Variants in DAB1 observed in about 807,000 individuals in gnomAD.
The protein encoded by DAB1 is disabled homolog 1.
In DAB1, 15 loss-of-function variants were observed where a neutral mutation model predicts 64.6. That is an observed-to-expected ratio of 0.23 (90% CI 0.16 to 0.36). DAB1 has a LOEUF of 0.36. DAB1 is among the 10% of genes least tolerant of loss of function. The pLI is 1.00. For synonymous variants in DAB1, 235 were observed against 251.9 expected, an observed-to-expected ratio of 0.93 and a Z score of 0.64; for missense variants, 596 against 706.7, an observed-to-expected ratio of 0.84 and a Z score of 1.78.
chr1:57,707,050 G>A (rs1646975549), intron 6 of DAB1, among the ~76,000 whole-genome samples: 1 of 151,942 alleles, frequency 6.6e-6, no homozygotes, highest in African/African-American at 2.4e-5. Flanking sequence ...CTCTAGCCTG[G>A]GCAACAAGAG....
chr1:58,189,862 A>G (rs1016803210), intron 4 of DAB1, among the ~76,000 whole-genome samples: 1 of 152,222 alleles, frequency 6.6e-6, no homozygotes, highest in Non-Finnish European at 1.5e-5. Context: ...CAGGGGTCCC[A>G]TGGGCTACTG....
chr1:57,070,964 G>T (rs756514622), intron 7 of DAB1, 59 bp downstream of exon 7: 1 of 1,418,808 alleles, frequency 7.0e-7, no homozygotes. Context: ...TGACAAAATG[G>T]CTCTGGCACA....
chr1:57,221,274 C>A (rs1440269158), intron 2 of DAB1, among the ~76,000 whole-genome samples: 1 of 151,998 alleles, frequency 6.6e-6, no homozygotes, highest in African/African-American at 2.4e-5. Context: ...GGAGGGATAG[C>A]ATTAGGAGAT....
chr1:57,880,836 T>A lies in DAB1; in HGVS notation n.87+3163A>T, dbSNP rs1488343921. The A allele has an allele frequency of 2.0e-5, 3 of 152,220 alleles. No individual in the cohort carries two copies. In the East Asian group the frequency reaches 5.8e-4, roughly 29 times the overall value. 9.4% of individuals were successfully genotyped at this position (152,220 alleles called of 1,614,324 possible). On this transcript the variant is annotated intron_variant and non_coding_transcript_variant, in intron 1 of 1. Coordinates refer to the DAB1 transcript ENST00000477280. ...CAATGTATTAAATTGAAATCCAGTA[T>A]CAAAACACCCATTAAAGTGCTCTTT...
intron 7 of DAB1, among the ~76,000 whole-genome samples, chr1:57,449,916 T>G (rs545736752): frequency 1.3e-5 from 2 of 152,216 alleles, no homozygotes; most frequent in African/African-American, 4.8e-5. Flanking sequence ...ATTAACTATA[T>G]AGCAGGCTCT....
intron 9 of DAB1, among the ~76,000 whole-genome samples, chr1:57,026,929 G>A (rs1306840110): frequency 6.6e-6 from 1 of 152,224 alleles, no homozygotes; most frequent in Non-Finnish European, 1.5e-5. Context: ...TGACAAGTAT[G>A]TAATCACATG....
chr1:57,645,276 T>A (rs1037111045), intron 7 of DAB1, among the ~76,000 whole-genome samples: 1 of 152,136 alleles, frequency 6.6e-6, no homozygotes, highest in East Asian at 1.9e-4. Context: ...GGAAGGAATA[T>A]TGTAGCTGGC....
chr1:57,343,308 G>A lies in DAB1; in HGVS notation c.-136-52142C>T, dbSNP rs180810984. Among the ~76,000 whole-genome samples the A allele has an allele frequency of 3.1e-4, 47 of 152,290 alleles. 1 individual carries two copies. The East Asian group carries it at 8.1e-3, about 26-fold the overall frequency. On this transcript the variant is annotated intron_variant, in intron 1 of 14. Coordinates refer to ENST00000371236, the MANE Select transcript of DAB1 (RefSeq NM_001365792.1). ...AACCTTGAGCTAGATATAGAGCGCC[G>A]ATTGGTATATTTACAATCCCTTAGC... is the stretch of plus-strand genomic sequence containing the variant.
At chr1:57,421,338 T>C (rs1684867320) in intron 1 of DAB1, among the ~76,000 whole-genome samples, 1 of 152,250 alleles carries the variant, frequency 6.6e-6, no homozygotes, top group African/African-American at 2.4e-5. Flanking sequence ...GATTTTATCG[T>C]TGAATACAAT....
chr1:57,703,891 A>G (rs780312382), intron 6 of DAB1, among the ~76,000 whole-genome samples: 2 of 152,174 alleles, frequency 1.3e-5, no homozygotes, highest in Non-Finnish European at 2.9e-5. Flanking sequence ...TTGCAGGGAG[A>G]CGGATGGAAC....
At chr1:57,529,118 ATT>A (rs1194170313) in intron 7 of DAB1, among the ~76,000 whole-genome samples, 1 of 105,538 alleles carries the variant, frequency 9.5e-6, no homozygotes, top group African/African-American at 3.3e-5. Flanking sequence ...TTACTGAGTT[ATT>A]ACATTATTCA....
chr1:58,285,581 G>T (rs1569601854), intron 4 of DAB1, among the ~76,000 whole-genome samples: 1 of 151,980 alleles, frequency 6.6e-6, no homozygotes, highest in East Asian at 1.9e-4. Flanking sequence ...GCCACAAAAA[G>T]AATAAAATAC....
chr1:57,628,260 A>G (rs1225167045), intron 7 of DAB1, among the ~76,000 whole-genome samples: 3 of 152,236 alleles, frequency 2.0e-5, no homozygotes, highest in Admixed American at 6.5e-5. Context: ...CATGTAAAAA[A>G]GCATTTATAA....
chr1:56,999,981 T>C (rs1184666643), intron 14 of DAB1, among the ~76,000 whole-genome samples: 1 of 151,950 alleles, frequency 6.6e-6, no homozygotes, highest in Non-Finnish European at 1.5e-5. Flanking sequence ...GACAGAAAAG[T>C]ACGGAAGCCC....
chr1:58,299,845 T>A (rs1662081005), intron 4 of DAB1, among the ~76,000 whole-genome samples: 1 of 152,196 alleles, frequency 6.6e-6, no homozygotes, highest in Non-Finnish European at 1.5e-5. Context: ...CTGGGCTTGC[T>A]AGTACATACC....
intron 4 of DAB1, among the ~76,000 whole-genome samples, chr1:58,210,396 T>C (rs1052528760): frequency 6.6e-6 from 1 of 152,206 alleles, no homozygotes; most frequent in Non-Finnish European, 1.5e-5. Context: ...AGGAAGGTGA[T>C]CCTAAAGATC....
intron 6 of DAB1, among the ~76,000 whole-genome samples, chr1:57,663,199 G>A (rs952024567): frequency 7.9e-5 from 12 of 152,114 alleles, no homozygotes; most frequent in Admixed American, 1.3e-4. Flanking sequence ...AGAGAGAAGG[G>A]GGAGGTGCCA....
rs1374297408 is a variant in DAB1, at chr1:58,410,616, G to A, written n.258-67213C>T. Among the ~76,000 whole-genome samples, 6 of 152,336 alleles carry A rather than the reference G, an allele frequency of 3.9e-5. No individual in the cohort carries two copies. In the South Asian group the frequency reaches 6.2e-4, roughly 16 times the overall value. ...TTTCCAGATGAGAAAACTAAGACCCGTAATAGAAGCAGGATCTAAACTACT... is the reference window on the plus strand; with the variant it reads ...TTTCCAGATGAGAAAACTAAGACCCATAATAGAAGCAGGATCTAAACTACT... On this transcript the variant is annotated intron_variant and non_coding_transcript_variant, in intron 3 of 20. Coordinates refer to the DAB1 transcript ENST00000485760.
At chr1:58,449,170 G>A (rs928978135) in intron 3 of DAB1, among the ~76,000 whole-genome samples, 10 of 152,314 alleles carry the variant, frequency 6.6e-5, no homozygotes, top group East Asian at 1.9e-4. Context: ...GGACCTGCAC[G>A]TATCGCGGGA....
Sources: allele counts gnomAD v4.1 joint callset (sites outside exome capture counted in the v4.1 genomes callset), GRCh38; gene constraint gnomAD v4.1.1; transcripts MANE v1.5; gene names NCBI Gene and HGNC (gene_info 2026-07-23, HGNC 2026-07-21).